B3GALT1: variants seen among roughly 807,000 people sequenced by gnomAD.
The protein encoded by B3GALT1 is beta-1,3-galactosyltransferase 1, also known as UDP-Gal:betaGlcNAc beta 1,3-galactosyltransferase, polypeptide 1.
Under a neutral mutation model 23.2 loss-of-function variants are expected in B3GALT1, and 10 were observed. The observed-to-expected ratio is 0.43, with a 90% CI of 0.27 to 0.73. B3GALT1 has a LOEUF of 0.73. Ranked by LOEUF, B3GALT1 falls within the 30% of genes least tolerant of loss-of-function variation. B3GALT1 has a pLI of 0.21. For missense variants in B3GALT1, 299 were observed against 405.4 expected, an observed-to-expected ratio of 0.74 and a Z score of 2.25; for synonymous variants, 156 against 141.5, an observed-to-expected ratio of 1.10 and a Z score of -0.73.
intron 2 of B3GALT1, among the ~76,000 whole-genome samples, chr2:167,526,405 C>G (rs1196121564): frequency 6.6e-6 from 1 of 152,138 alleles, no homozygotes; most frequent in Non-Finnish European, 1.5e-5. Context: ...TTCAACCCCA[C>G]AACAAACATA....
chr2:167,335,964 C>G (rs986708554), intron 1 of B3GALT1, among the ~76,000 whole-genome samples: 21 of 151,950 alleles, frequency 1.4e-4, no homozygotes, highest in African/African-American at 4.8e-4. Flanking sequence ...GATACTGATT[C>G]ATTTGATTGC....
rs79042802 is a variant in B3GALT1, at chr2:167,306,341, G to A, written c.-511+13007G>A. Among the ~76,000 whole-genome samples, 320 of 151,934 alleles carry A rather than the reference G, an allele frequency of 2.1e-3. 2 individuals carry two copies. Among genetic ancestry groups the A allele is most frequent in the East Asian group, 0.018 (94 of 5,170 alleles). ...TGGGGATAATATGGTACAAAATTAC[G>A]TACAAGTCCTACTTTAAATAGGCAA... On this transcript the variant is annotated intron_variant, in intron 1 of 4. Coordinates refer to ENST00000392690, the MANE Select transcript of B3GALT1 (RefSeq NM_020981.4).
At chr2:167,860,861 GCTTTT>G (rs1368863441) in intron 4 of B3GALT1, among the ~76,000 whole-genome samples, 9 of 147,186 alleles carry the variant, frequency 6.1e-5, no homozygotes, top group African/African-American at 7.5e-5. Context: ...ATCTCAACTG[GCTTTT>G]CTTTTTTTTT....
chr2:167,405,058 CAGGA>C (rs1011939235), intron 1 of B3GALT1, among the ~76,000 whole-genome samples: 30 of 152,262 alleles, frequency 2.0e-4, no homozygotes, highest in South Asian at 6.2e-4. Context: ...GCTTCTCAGA[CAGGA>C]AGGATGGGCC....
chr2:167,584,887 C>A (rs1442241214), intron 2 of B3GALT1, among the ~76,000 whole-genome samples: 1 of 152,158 alleles, frequency 6.6e-6, no homozygotes, highest in Non-Finnish European at 1.5e-5. Flanking sequence ...CTCCAGGAAC[C>A]CTGTCCTTTT....
At chr2:167,450,156 A>T (rs571853375) in intron 1 of B3GALT1, among the ~76,000 whole-genome samples, 1 of 152,282 alleles carries the variant, frequency 6.6e-6, no homozygotes, top group Non-Finnish European at 1.5e-5. Flanking sequence ...AATAGTGTCA[A>T]TAGGATTGGT....
At chr2:167,805,124 T>C (rs1179024222) in intron 3 of B3GALT1, among the ~76,000 whole-genome samples, 6 of 152,248 alleles carry the variant, frequency 3.9e-5, no homozygotes, top group African/African-American at 1.4e-4. Context: ...ATAAATGTCT[T>C]CTTGTGAGAA....
intron 3 of B3GALT1, among the ~76,000 whole-genome samples, chr2:167,670,737 C>A (rs1406750507): frequency 6.6e-6 from 1 of 151,762 alleles, no homozygotes; most frequent in Non-Finnish European, 1.5e-5. Flanking sequence ...AATTCTGAAG[C>A]TGAAAAATAG....
chr2:167,752,332 G>T (rs544379819), intron 3 of B3GALT1, among the ~76,000 whole-genome samples: 1 of 152,158 alleles, frequency 6.6e-6, no homozygotes, highest in Non-Finnish European at 1.5e-5. Flanking sequence ...TACAATTTAT[G>T]ACAAGAAGTC....
At chr2:167,627,782 T>C (rs375114896) in intron 2 of B3GALT1, among the ~76,000 whole-genome samples, 10 of 151,864 alleles carry the variant, frequency 6.6e-5, no homozygotes, top group African/African-American at 2.2e-4. Context: ...TACCCATTTG[T>C]GTTCCCACCA....
chr2:167,704,423 T>C (rs1686938813), intron 3 of B3GALT1, among the ~76,000 whole-genome samples: 1 of 152,098 alleles, frequency 6.6e-6, no homozygotes, highest in Non-Finnish European at 1.5e-5. Flanking sequence ...TCCCTAGAGA[T>C]CATCTAACCT....
intron 2 of B3GALT1, among the ~76,000 whole-genome samples, chr2:167,606,162 G>C (rs775299969): frequency 6.6e-6 from 1 of 152,138 alleles, no homozygotes; most frequent in Non-Finnish European, 1.5e-5. Flanking sequence ...CAAAGAAATG[G>C]GTGTGTTGAG....
intron 1 of B3GALT1, among the ~76,000 whole-genome samples, chr2:167,363,316 T>C (rs1041926956): frequency 2.6e-5 from 4 of 152,124 alleles, no homozygotes; most frequent in African/African-American, 9.7e-5. Flanking sequence ...CATTTCTAAT[T>C]GTTTCACTTT....
chr2:167,312,445 A>G (rs1696645976), intron 1 of B3GALT1, among the ~76,000 whole-genome samples: 2 of 152,014 alleles, frequency 1.3e-5, no homozygotes, highest in African/African-American at 2.4e-5. Flanking sequence ...GAGTAAATCT[A>G]AGGGAGCACA....
At chr2:167,581,979 T>C (rs923682020) in intron 2 of B3GALT1, among the ~76,000 whole-genome samples, 1 of 152,212 alleles carries the variant, frequency 6.6e-6, no homozygotes, top group Non-Finnish European at 1.5e-5. Context: ...TGCAATGTTC[T>C]TTCTCGGCTA....
chr2:167,815,685 G>A (rs919710532), intron 3 of B3GALT1, among the ~76,000 whole-genome samples: 1 of 152,080 alleles, frequency 6.6e-6, no homozygotes, highest in Non-Finnish European at 1.5e-5. Flanking sequence ...AAACAGCACC[G>A]GCAAAATTCC....
intron 3 of B3GALT1, among the ~76,000 whole-genome samples, chr2:167,761,231 C>G (rs1386571163): frequency 6.6e-6 from 1 of 152,162 alleles, no homozygotes; most frequent in Non-Finnish European, 1.5e-5. Flanking sequence ...TTTTCTGCAG[C>G]TGAAGATATA....
chr2:167,818,645 T>C (rs184596446), intron 3 of B3GALT1, among the ~76,000 whole-genome samples, 27 bp from the exon 4 acceptor site: 7 of 152,320 alleles, frequency 4.6e-5, no homozygotes, highest in Non-Finnish European at 8.8e-5. Flanking sequence ...ATTTCTAAAT[T>C]TTTCTCTCTT....
chr2:167,441,863 T>A (rs1052569779), intron 1 of B3GALT1, among the ~76,000 whole-genome samples: 5 of 151,320 alleles, frequency 3.3e-5, no homozygotes, highest in Admixed American at 6.6e-5. Flanking sequence ...TCCCATGTTT[T>A]TTTTTTTTTA....
Sources: allele counts gnomAD v4.1 joint callset (sites outside exome capture counted in the v4.1 genomes callset), GRCh38; gene constraint gnomAD v4.1.1; transcripts MANE v1.5; gene names NCBI Gene and HGNC (gene_info 2026-07-23, HGNC 2026-07-21).